Variants in MIB1 observed in about 807,000 individuals in gnomAD.
MIB1 encodes MIB E3 ubiquitin protein ligase 1.
In MIB1, 278 loss-of-function variants were observed where a neutral mutation model predicts 124.5. The observed-to-expected ratio is 2.23, with a 90% CI of 2.02 to 2.47. The LOEUF is 2.47. Among genes scored for constraint, MIB1 ranks in the 30% most tolerant of loss-of-function variants. The probability of loss-of-function intolerance (pLI) is 0.00; values close to 1 mark genes in which losing one functional copy is unlikely to be tolerated. For missense variants in MIB1, 957 were observed against 1,254.4 expected, an observed-to-expected ratio of 0.76 and a Z score of 3.58; for synonymous variants, 446 against 429.4, an observed-to-expected ratio of 1.04 and a Z score of -0.48.
chr18:21,806,493 C>T (rs958673517), intron 10 of MIB1, among the ~76,000 whole-genome samples: 4 of 151,690 alleles, frequency 2.6e-5, no homozygotes, highest in East Asian at 2.0e-4. Flanking sequence ...TGAGCCATTG[C>T]GCCCAGCCTC....
intron 7 of MIB1, among the ~76,000 whole-genome samples, chr18:21,794,604 A>G (rs1442229333): frequency 1.3e-5 from 2 of 152,178 alleles, no homozygotes; most frequent in Non-Finnish European, 2.9e-5. Context: ...GAAGGGGCAC[A>G]TTGCATACCT....
intron 1 of MIB1, among the ~76,000 whole-genome samples, chr18:21,708,176 C>T (rs2040648934): frequency 6.6e-6 from 1 of 152,096 alleles, no homozygotes; most frequent in Non-Finnish European, 1.5e-5. Flanking sequence ...ATTTTATGGC[C>T]ATCATGGTGT....
rs188874947 is a variant in MIB1, at chr18:21,783,872, A to G, written c.908+4187A>G. Among the ~76,000 whole-genome samples the G allele has an allele frequency of 2.7e-3, 406 of 151,792 alleles. 2 individuals carry two copies. Among genetic ancestry groups the G allele is most frequent in the African/African-American group, 8.7e-3 (362 of 41,466 alleles). ...AGCAGTCCTTCCACTTTAGCCTTCC[A>G]AGTGGCTGGAACTACAGGTGCACAC... On this transcript the variant is annotated intron_variant, in intron 6 of 20. Coordinates refer to ENST00000261537, the MANE Select transcript of MIB1 (RefSeq NM_020774.4).
intron 1 of MIB1, among the ~76,000 whole-genome samples, 192 bp downstream of exon 1, chr18:21,742,004 C>T (rs1190960801): frequency 6.6e-6 from 1 of 152,228 alleles, no homozygotes; most frequent in Non-Finnish European, 1.5e-5. Context: ...TCAGAAAAGA[C>T]CCTCTACCCC....
intron 16 of MIB1, among the ~76,000 whole-genome samples, chr18:21,848,452 A>C (rs77509987): frequency 6.9e-6 from 1 of 145,848 alleles, no homozygotes; most frequent in African/African-American, 2.5e-5. Context: ...TTCTGTCTCC[A>C]AAAAAAAAAA....
chr18:21,714,924 G>T (rs745438333), intron 1 of MIB1, among the ~76,000 whole-genome samples: 23 of 152,190 alleles, frequency 1.5e-4, no homozygotes, highest in Admixed American at 3.3e-4. Context: ...TCATGAAAAG[G>T]CAGTAAATTG....
intron 4 of MIB1, among the ~76,000 whole-genome samples, chr18:21,775,391 C>G (rs1204194096): frequency 6.6e-6 from 1 of 152,092 alleles, no homozygotes; most frequent in African/African-American, 2.4e-5. Flanking sequence ...AGGCGTGTGC[C>G]ACCATGCCCA....
chr18:21,745,823 C>A (rs1289323216), intron 1 of MIB1, among the ~76,000 whole-genome samples: 2 of 152,152 alleles, frequency 1.3e-5, no homozygotes, highest in Non-Finnish European at 2.9e-5. Context: ...TCTCCTGTCT[C>A]ATCCTCCTGA....
intron 1 of MIB1, among the ~76,000 whole-genome samples, chr18:21,759,208 CAT>C (rs1282384142): frequency 5.3e-5 from 8 of 150,790 alleles, no homozygotes; most frequent in African/African-American, 2.0e-4. Flanking sequence ...GTATTCTATA[CAT>C]ATGTGTGTAT....
At chr18:21,718,809 C>T (rs1033449558) in intron 1 of MIB1, among the ~76,000 whole-genome samples, 9 of 152,074 alleles carry the variant, frequency 5.9e-5, no homozygotes, top group African/African-American at 1.4e-4. Context: ...GCCTGTAATC[C>T]CGACCCATTG....
At chr18:21,820,801 C>T (rs1482912073) in intron 12 of MIB1, among the ~76,000 whole-genome samples, 3 of 152,140 alleles carry the variant, frequency 2.0e-5, no homozygotes, top group Non-Finnish European at 2.9e-5. Flanking sequence ...GAATATGAGG[C>T]TTATAGAGAT....
At chr18:21,715,468 A>G (rs2040685576) in intron 1 of MIB1, among the ~76,000 whole-genome samples, 2 of 152,322 alleles carry the variant, frequency 1.3e-5, no homozygotes, top group South Asian at 2.1e-4. Context: ...CAACACCTCC[A>G]AAAAGAAACC....
chr18:21,772,997 G>C (rs1463738663), intron 3 of MIB1, among the ~76,000 whole-genome samples: 3 of 152,184 alleles, frequency 2.0e-5, no homozygotes, highest in Non-Finnish European at 4.4e-5. Flanking sequence ...CGGGCGTAGT[G>C]GCTCACACCT....
chr18:21,806,645 G>C (rs1328870582), intron 10 of MIB1, among the ~76,000 whole-genome samples: 1 of 150,700 alleles, frequency 6.6e-6, no homozygotes, highest in African/African-American at 2.4e-5. Context: ...TTTTGAGACG[G>C]AGTCTTGCTC....
At chr18:21,814,445 C>T (rs950119423) in intron 10 of MIB1, among the ~76,000 whole-genome samples, 3 of 151,514 alleles carry the variant, frequency 2.0e-5, no homozygotes, top group Admixed American at 6.6e-5. Context: ...AGGACGTGCA[C>T]GGTGGCTCAC....
chr18:21,818,711 CAGATCACG>C (rs2041852350), intron 11 of MIB1, among the ~76,000 whole-genome samples: 1 of 151,970 alleles, frequency 6.6e-6, no homozygotes, highest in Non-Finnish European at 1.5e-5. Context: ...CTGAGGTGGG[CAGATCACG>C]AGGTCAGGAG....
At chr18:21,705,511 C>T (rs1598574726) in intron 1 of MIB1, among the ~76,000 whole-genome samples, 1 of 151,478 alleles carries the variant, frequency 6.6e-6, no homozygotes, top group South Asian at 2.1e-4. Context: ...TTATTTATGG[C>T]AATATGATAA....
chr18:21,779,398 C>A, intron 5 of MIB1, 83 bp from the exon 6 acceptor site: 1 of 1,090,434 alleles, frequency 9.2e-7, no homozygotes, highest in Admixed American at 1.8e-5. Flanking sequence ...ACTAAAATAT[C>A]TACATGTTAT....
intron 12 of MIB1, chr18:21,829,188 C>A: frequency 2.8e-6 from 1 of 359,408 alleles, no homozygotes; most frequent in Non-Finnish European, 5.4e-6. Context: ...AAATCATTTG[C>A]AGAGACTAAT....
Sources: allele counts gnomAD v4.1 joint callset (sites outside exome capture counted in the v4.1 genomes callset), GRCh38; gene constraint gnomAD v4.1.1; transcripts MANE v1.5; gene names NCBI Gene and HGNC (gene_info 2026-07-23, HGNC 2026-07-21).